COL4A2: variants seen among roughly 807,000 people sequenced by gnomAD.
The protein encoded by COL4A2 is collagen type IV alpha 2 chain, also known as collagen alpha-2(IV) chain.
In COL4A2, 99 loss-of-function variants were observed where a neutral mutation model predicts 200.2. The observed-to-expected ratio is 0.49, with a 90% CI of 0.42 to 0.58. COL4A2 has a LOEUF of 0.58. Ranked by LOEUF, COL4A2 falls within the 20% of genes least tolerant of loss-of-function variation. COL4A2 has a pLI of 0.00. For synonymous variants in COL4A2, 897 were observed against 900.6 expected (o/e 1.00, Z 0.07); for missense variants, 1,950 against 2,314.1 (o/e 0.84, Z 3.23).
rs548604293 is a variant in COL4A2, at chr13:110,318,374, T to C, written c.99+10251T>C. Among the ~76,000 whole-genome samples, 4 of 152,330 alleles carry C rather than the reference T, an allele frequency of 2.6e-5. No homozygotes were observed. The South Asian group carries it at 6.2e-4, about 24-fold the overall frequency. On this transcript the variant is annotated intron_variant, in intron 3 of 47. Coordinates refer to ENST00000360467, the MANE Select transcript of COL4A2 (RefSeq NM_001846.4). ...CCAACTTTACTTTAAATATGTCATC[T>C]AGGATTATTCATGGTAAGAAAGCAA...
At chr13:110,428,442 A>G (rs1880547998) in intron 6 of COL4A2, 25 bp from the exon 7 acceptor site, 1 of 1,428,808 alleles carries the variant, frequency 7.0e-7, no homozygotes, top group African/African-American at 1.5e-5. Flanking sequence ...TGGTTGGCTG[A>G]TTCTCTCACT....
intron 3 of COL4A2, among the ~76,000 whole-genome samples, chr13:110,321,381 G>A (rs189204982): frequency 6.6e-6 from 1 of 152,010 alleles, no homozygotes. Context: ...CAGTTCAGTG[G>A]CATTAAACAT....
At chr13:110,419,720 G>A (rs959585501) in intron 4 of COL4A2, among the ~76,000 whole-genome samples, 1 of 152,180 alleles carries the variant, frequency 6.6e-6, no homozygotes, top group Non-Finnish European at 1.5e-5. Flanking sequence ...GCCCATGTGC[G>A]CACCAGCCAT....
At chr13:110,394,404 A>G (rs185682420) in intron 4 of COL4A2, among the ~76,000 whole-genome samples, 2 of 152,198 alleles carry the variant, frequency 1.3e-5, no homozygotes, top group African/African-American at 4.8e-5. Flanking sequence ...GGACAGTCAC[A>G]TGACATTCGC....
intron 3 of COL4A2, among the ~76,000 whole-genome samples, chr13:110,323,041 G>A (rs1278598286): frequency 6.6e-6 from 1 of 152,208 alleles, no homozygotes; most frequent in African/African-American, 2.4e-5. Flanking sequence ...AATACCAGCT[G>A]TTACAACCAA....
At chr13:110,377,649 T>C (rs143960866) in intron 4 of COL4A2, among the ~76,000 whole-genome samples, 1 of 152,334 alleles carries the variant, frequency 6.6e-6, no homozygotes, top group East Asian at 1.9e-4. Flanking sequence ...ACCAACTCTT[T>C]ACAGAAACTC....
intron 6 of COL4A2, among the ~76,000 whole-genome samples, chr13:110,428,096 C>T (rs1403227165): frequency 2.6e-5 from 4 of 152,152 alleles, no homozygotes; most frequent in African/African-American, 9.7e-5. Context: ...TAAGGACCTT[C>T]CTGTTATCCC....
At position 110,482,612 on chromosome 13, in the gene COL4A2, TC is replaced by T; in HGVS notation, c.2856del (p.Phe952LeufsTer6). ...FPGSKGEAGF[F>X]GIPGLKGLAG... ...GGGAGCAAAGGCGAGGCTGGATTTT[TC>T]GGAATACCCGGTCTGAAGGGTCTGG... On this transcript the variant is annotated frameshift_variant, in exon 32 of 48. Coordinates refer to ENST00000360467, the MANE Select transcript of COL4A2 (RefSeq NM_001846.4). LOFTEE classifies it high-confidence loss of function. 1.2e-6 allele frequency: 2 copies of T among 1,614,128 alleles called. No homozygotes were observed. The highest frequency in any genetic ancestry group is 1.1e-5 in the South Asian group (1 of 91,074).
chr13:110,441,231 A>G (rs74573090), intron 16 of COL4A2, among the ~76,000 whole-genome samples: 1,570 of 152,252 alleles, frequency 0.01, 32 homozygotes, highest in African/African-American at 0.036. Flanking sequence ...CTGGAGGCCC[A>G]TGGGCTTCAG....
At chr13:110,505,076 C>A (rs377001284) in intron 45 of COL4A2, among the ~76,000 whole-genome samples, 4 of 151,716 alleles carry the variant, frequency 2.6e-5, no homozygotes, top group Non-Finnish European at 5.9e-5. Flanking sequence ...AGGGGCCGGG[C>A]GCGGTGGCTC....
chr13:110,337,733 C>T (rs1197731675), intron 3 of COL4A2, among the ~76,000 whole-genome samples: 1 of 152,236 alleles, frequency 6.6e-6, no homozygotes, highest in African/African-American at 2.4e-5. Context: ...TGAAGTCTGC[C>T]TGTCCCAGGG....
intron 28 of COL4A2, among the ~76,000 whole-genome samples, chr13:110,471,435 T>C (rs567327139): frequency 7.9e-5 from 12 of 152,314 alleles, no homozygotes; most frequent in African/African-American, 2.6e-4. Flanking sequence ...GGTGCTGAAA[T>C]ATACTGCCCT....
At chr13:110,426,761 A>G (rs1295456126) in intron 6 of COL4A2, among the ~76,000 whole-genome samples, 3 of 152,254 alleles carry the variant, frequency 2.0e-5, no homozygotes, top group Non-Finnish European at 2.9e-5. Context: ...CGGCAGACAA[A>G]TAATAGAGAA....
chr13:110,369,140 G>A (rs555410570), intron 4 of COL4A2, among the ~76,000 whole-genome samples: 1 of 151,496 alleles, frequency 6.6e-6, no homozygotes, highest in South Asian at 2.1e-4. Flanking sequence ...GAACTCGGGA[G>A]TTGGAGGTTG....
At chr13:110,367,030 A>T in intron 4 of COL4A2, among the ~76,000 whole-genome samples, 1 of 151,500 alleles carries the variant, frequency 6.6e-6, no homozygotes, top group East Asian at 1.9e-4. Flanking sequence ...AGATCAAAAC[A>T]CCCCTGTCCC....
chr13:110,359,242 A>G (rs558285205), intron 4 of COL4A2, among the ~76,000 whole-genome samples: 1 of 152,346 alleles, frequency 6.6e-6, no homozygotes, highest in Non-Finnish European at 1.5e-5. Context: ...ATTGGATTTA[A>G]TATGTTCAAT....
chr13:110,346,136 T>C (rs542711931), intron 3 of COL4A2, among the ~76,000 whole-genome samples: 20 of 152,300 alleles, frequency 1.3e-4, no homozygotes, highest in African/African-American at 4.6e-4. Context: ...TGAGGAGCTT[T>C]CCTGGGGTAC....
At chr13:110,368,723 A>G (rs970786167) in intron 4 of COL4A2, among the ~76,000 whole-genome samples, 1 of 151,962 alleles carries the variant, frequency 6.6e-6, no homozygotes, top group Non-Finnish European at 1.5e-5. Flanking sequence ...GAAAGCCAGT[A>G]TTGTCAAGAA....
chr13:110,442,396 G>A (rs1484473257), intron 16 of COL4A2, among the ~76,000 whole-genome samples: 1 of 152,214 alleles, frequency 6.6e-6, no homozygotes, highest in Non-Finnish European at 1.5e-5. Context: ...TGTGAGCACC[G>A]ATCTGCACCA....
Sources: gnomAD v4.1 joint callset for allele counts (sites outside exome capture counted in the v4.1 genomes callset) on GRCh38, gnomAD v4.1.1 for gene constraint, MANE v1.5 for transcripts, NCBI Gene and HGNC (gene_info 2026-07-23, HGNC 2026-07-21) for gene names.